Variants in CDH23 observed in about 807,000 individuals in gnomAD.
CDH23 encodes the protein cadherin-23.
CDH23 carries 189 observed loss-of-function variants against 317.1 expected under a neutral mutation model. The ratio of observed to expected loss-of-function variants is 0.60; its 90% CI spans 0.53 to 0.67. The LOEUF (loss-of-function observed/expected upper bound fraction) is 0.67. CDH23 is among the 30% of genes least tolerant of loss of function. The pLI is 0.00. For synonymous variants in CDH23, 1,839 were observed against 1,876.8 expected (o/e 0.98, Z 0.52); for missense variants, 4,401 against 4,592.4 (o/e 0.96, Z 1.20).
At chr10:71,568,287 G>A (rs1857524657) in intron 7 of CDH23, among the ~76,000 whole-genome samples, 1 of 152,204 alleles carries the variant, frequency 6.6e-6, no homozygotes, top group African/African-American at 2.4e-5. Flanking sequence ...TGCTTTTTGT[G>A]CACATTTGCC....
chr10:71,411,490 T>G (rs1227738595), intron 1 of CDH23, among the ~76,000 whole-genome samples: 1 of 152,160 alleles, frequency 6.6e-6, no homozygotes, highest in Non-Finnish European at 1.5e-5. Flanking sequence ...AATTTACTTA[T>G]TTATTCTTAT....
intron 62 of CDH23, among the ~76,000 whole-genome samples, chr10:71,811,042 AC>A (rs1248918933): frequency 7.1e-6 from 1 of 141,490 alleles, no homozygotes; most frequent in Non-Finnish European, 1.5e-5. Context: ...ATCATGCCAC[AC>A]TGCACTCCAG....
chr10:71,668,185 C>T lies in CDH23; in HGVS notation c.1450-6927C>T, dbSNP rs553334367. ...CCACCACAGCCAGAGACCCCTGCCA[C>T]CACAGCCAGAGACCCCTGCCACCTT... On this transcript the variant is annotated intron_variant, in intron 14 of 69. Coordinates refer to ENST00000224721, the MANE Select transcript of CDH23 (RefSeq NM_022124.6). 3.1e-3 allele frequency among the ~76,000 whole-genome samples: 475 copies of T among 152,284 alleles called. 4 individuals carry two copies. The highest frequency in any genetic ancestry group is 0.011 in the African/African-American group (445 of 41,546).
intron 14 of CDH23, among the ~76,000 whole-genome samples, chr10:71,662,947 C>T (rs1209317199): frequency 6.6e-6 from 1 of 152,196 alleles, no homozygotes; most frequent in East Asian, 1.9e-4. Context: ...CTGGAGGCTC[C>T]AGGCGTTCAG....
At chr10:71,794,621 A>T (rs991048605) in intron 48 of CDH23, 5 of 152,238 alleles carry the variant, frequency 3.3e-5, no homozygotes, top group African/African-American at 9.6e-5. Context: ...CAAAGCACTA[A>T]AACAGCAGTA....
chr10:71,807,141 G>A, intron 57 of CDH23, 136 bp from the exon 58 acceptor site: 2 of 1,121,958 alleles, frequency 1.8e-6, no homozygotes, highest in Non-Finnish European at 2.5e-6. Context: ...GGTTACAACG[G>A]TTCTACTCAC....
chr10:71,803,110 G>A (rs746378250), intron 54 of CDH23, 35 bp downstream of exon 54: 2 of 1,601,360 alleles, frequency 1.2e-6, no homozygotes, highest in Non-Finnish European at 1.7e-6. Flanking sequence ...ATGATGTCTT[G>A]GGGGGTGGGA....
In CDH23 at chr10:71,813,777, G is replaced by A. The variant is rs191519978; in HGVS notation, c.9738+429G>A. On this transcript the variant is annotated intron_variant, in intron 69 of 69. Coordinates refer to ENST00000224721, the MANE Select transcript of CDH23 (RefSeq NM_022124.6). ...CAAAAAATTAGCCGGGCCTGGTGGC[G>A]GACGCCTATAATCCCAGCTACTCAG... Among the ~76,000 whole-genome samples, 146 of 152,120 alleles carry A rather than the reference G, an allele frequency of 9.6e-4. No homozygotes were observed. In the Middle Eastern group the frequency reaches 0.014, roughly 14 times the overall value.
intron 6 of CDH23, among the ~76,000 whole-genome samples, chr10:71,564,664 C>T (rs937254299): frequency 6.6e-6 from 1 of 152,240 alleles, no homozygotes; most frequent in Non-Finnish European, 1.5e-5. Flanking sequence ...TGACATCTCA[C>T]GGGAGCCGTC....
At chr10:71,609,457 G>A (rs1021425607) in intron 9 of CDH23, among the ~76,000 whole-genome samples, 5 of 152,118 alleles carry the variant, frequency 3.3e-5, no homozygotes, top group African/African-American at 1.2e-4. Context: ...CCACATCCCT[G>A]CCCCACCGTC....
chr10:71,782,926 T>C (rs1840995056), intron 41 of CDH23, among the ~76,000 whole-genome samples: 1 of 152,200 alleles, frequency 6.6e-6, no homozygotes, highest in South Asian at 2.1e-4. Flanking sequence ...GCTGTTTTTG[T>C]ACATCAGAGT....
intron 16 of CDH23, 28 bp downstream of exon 16, chr10:71,677,721 TG>T (rs1402658294): frequency 2.0e-6 from 3 of 1,512,092 alleles, no homozygotes; most frequent in Non-Finnish European, 2.7e-6. Context: ...CCTGCACTCC[TG>T]CCATTTATCT....
intron 6 of CDH23, among the ~76,000 whole-genome samples, chr10:71,558,566 G>GT (rs1435015572): frequency 2.0e-5 from 3 of 152,026 alleles, no homozygotes; most frequent in African/African-American, 4.8e-5. Flanking sequence ...CCTTTTTACT[G>GT]TTTTTTCCCA....
At chr10:71,662,513 T>C (rs1270218245) in intron 14 of CDH23, among the ~76,000 whole-genome samples, 2 of 152,154 alleles carry the variant, frequency 1.3e-5, no homozygotes, top group African/African-American at 4.8e-5. Flanking sequence ...GATGCTGTCA[T>C]GGTAGGAGGC....
chr10:71,812,931 G>C (rs760254016), intron 68 of CDH23, 41 bp downstream of exon 68: 1 of 1,607,394 alleles, frequency 6.2e-7, no homozygotes, highest in South Asian at 1.1e-5. Flanking sequence ...TCCCTTGGCT[G>C]AGGTTGGACC....
intron 6 of CDH23, among the ~76,000 whole-genome samples, chr10:71,545,704 G>C (rs920351435): frequency 3.9e-5 from 6 of 152,120 alleles, no homozygotes; most frequent in African/African-American, 1.4e-4. Flanking sequence ...GACAACCAAC[G>C]CATACATCTA....
intron 11 of CDH23, among the ~76,000 whole-genome samples, chr10:71,641,871 G>A (rs750836038): frequency 6.6e-6 from 1 of 152,144 alleles, no homozygotes; most frequent in Non-Finnish European, 1.5e-5. Flanking sequence ...TTGAGGTCAG[G>A]AGTTTGAGAC....
chr10:71,401,913 T>C (rs1238738856), intron 1 of CDH23, among the ~76,000 whole-genome samples: 1 of 152,206 alleles, frequency 6.6e-6, no homozygotes, highest in East Asian at 1.9e-4. Context: ...TTTATTTGGA[T>C]TCAACATGAA....
At chr10:71,746,835 G>A (rs1839862887) in intron 38 of CDH23, among the ~76,000 whole-genome samples, 1 of 152,204 alleles carries the variant, frequency 6.6e-6, no homozygotes, top group African/African-American at 2.4e-5. Context: ...CAGAAGGACA[G>A]AAATCTCCCA....
Sources: allele counts gnomAD v4.1 joint callset (sites outside exome capture counted in the v4.1 genomes callset), GRCh38; gene constraint gnomAD v4.1.1; transcripts MANE v1.5; gene names NCBI Gene and HGNC (gene_info 2026-07-23, HGNC 2026-07-21).